The following LONRF2 variants were observed in gnomAD, a reference collection of about 807,000 sequenced individuals.
LONRF2 encodes LON peptidase N-terminal domain and ring finger 2, also known as LON peptidase N-terminal domain and RING finger protein 2.
A neutral mutation model predicts 66.6 loss-of-function variants in LONRF2; 35 were observed. The ratio of observed to expected loss-of-function variants is 0.53; its 90% CI spans 0.40 to 0.70. The LOEUF (loss-of-function observed/expected upper bound fraction) is 0.70, where lower values mean the gene tolerates loss of function less well. Among genes scored for constraint, LONRF2 ranks in the 30% least tolerant of loss-of-function variants. The pLI, the probability that LONRF2 is intolerant of heterozygous loss-of-function variation, is 0.00. For missense variants in LONRF2, 902 were observed against 1,002.1 expected, an observed-to-expected ratio of 0.90 and a Z score of 1.35; for synonymous variants, 417 against 418.1, an observed-to-expected ratio of 1.00 and a Z score of 0.03.
chr2:100,298,370 T>A (rs1675113745), intron 7 of LONRF2, among the ~76,000 whole-genome samples: 2 of 152,218 alleles, frequency 1.3e-5, no homozygotes, highest in Non-Finnish European at 2.9e-5. Flanking sequence ...AGCTTCCCCA[T>A]GGGACCTGAA....
intron 1 of LONRF2, among the ~76,000 whole-genome samples, chr2:100,313,981 T>C (rs1404706345): frequency 6.6e-6 from 1 of 152,196 alleles, no homozygotes; most frequent in Non-Finnish European, 1.5e-5. Context: ...CTGTATGACT[T>C]GATTTATTTA....
rs564232405 is a variant in LONRF2 at position 100,309,171 on chromosome 2, T to C, written c.734A>G (p.Lys245Arg). The C allele has an allele frequency of 1.2e-6, 2 of 1,609,596 alleles. No homozygotes were observed. The highest frequency in any genetic ancestry group is 4.5e-5 in the East Asian group (2 of 44,672). Reference protein sequence around the residue: ...LLRAELYLTMKNYEQALQDAS... With the variant: ...LLRAELYLTMRNYEQALQDAS... ...ATCTTGGAGAGCTTGCTCATAGTTC[T>C]TCATGGTCAAATATAACTCCGCCCG... Residue 245 changes from lysine (K) to arginine (R), a missense_variant, in exon 2 of 12, where the codon AAG becomes AGG. By Grantham distance (26) the Lys-to-Arg change is conservative. Coordinates refer to ENST00000393437, the MANE Select transcript of LONRF2 (RefSeq NM_198461.4).
rs139690852 is a variant in LONRF2, at chr2:100,300,499, C to A, written c.1065+145G>T. The A allele has an allele frequency of 8.8e-6, 6 of 680,116 alleles. 1 individual carries two copies. The East Asian group carries it at 1.7e-4, about 20-fold the overall frequency. 42.1% of individuals were successfully genotyped at this position (680,116 alleles called of 1,614,324 possible). The stretch of plus-strand genomic sequence containing the variant: ...GACTTCATGTAAAAGTTCCAACTCC[C>A]AGGTTGAGGAGCTACAACTGGTCTT... On this transcript the variant is annotated intron_variant, in intron 4 of 11. Coordinates refer to ENST00000393437, the MANE Select transcript of LONRF2 (RefSeq NM_198461.4).
intron 8 of LONRF2, 70 bp downstream of exon 8, chr2:100,295,362 T>C: frequency 2.7e-6 from 4 of 1,478,254 alleles, no homozygotes; most frequent in Non-Finnish European, 3.6e-6. Flanking sequence ...AAAGAAAATC[T>C]GAGGTGAAGC....
chr2:100,291,541 C>G (rs895071643), intron 9 of LONRF2, among the ~76,000 whole-genome samples: 1 of 152,050 alleles, frequency 6.6e-6, no homozygotes, highest in Admixed American at 6.6e-5. Flanking sequence ...TCCTTGCCTC[C>G]CCCTCACTCC....
chr2:100,302,199 GA>G (rs1356320300), intron 3 of LONRF2, among the ~76,000 whole-genome samples: 2 of 152,192 alleles, frequency 1.3e-5, no homozygotes, highest in African/African-American at 4.8e-5. Flanking sequence ...CACTCTGTGA[GA>G]AAAGAATGTT....
At chr2:100,292,719 A>T (rs1573113047) in intron 9 of LONRF2, among the ~76,000 whole-genome samples, 1 of 152,280 alleles carries the variant, frequency 6.6e-6, no homozygotes, top group African/African-American at 2.4e-5. Context: ...ATGTATTCTC[A>T]GCACCTTGTA....
chr2:100,310,039 T>C (rs1351573103), intron 1 of LONRF2, among the ~76,000 whole-genome samples: 4 of 152,178 alleles, frequency 2.6e-5, no homozygotes, highest in Non-Finnish European at 5.9e-5. Flanking sequence ...CTACAGTATA[T>C]TCTCTTAAGG....
chr2:100,277,709 T>G lies in LONRF2; in HGVS notation c.*6589A>C, dbSNP rs1024807468. On this transcript the variant is annotated 3_prime_UTR_variant, in exon 12 of 12. Transcript: ENST00000393437. The stretch of plus-strand genomic sequence containing the variant: ...GAAACGGAACCCAAAAAACAACGCA[T>G]GTGGCCAAAGTTAGGCAGTCGTCTT... The G allele has an allele frequency of 6.6e-6, 1 of 152,308 alleles. No homozygotes were observed. Among genetic ancestry groups the G allele is most frequent in the Admixed American group, 6.5e-5 (1 of 15,306 alleles). The allele number at this position is 152,308 out of a possible 1,614,324, so 9.4% of individuals were successfully genotyped here.
rs1674769077 is a variant in LONRF2, at chr2:100,282,917, A to G, written c.*1381T>C. ...GTCTTTCTAATAAAATGCTTGATGG[A>G]TTGATATACCATCAACATTGTATAT... On this transcript the variant is annotated 3_prime_UTR_variant, in exon 12 of 12. Transcript: ENST00000393437. 6.6e-6 allele frequency: 1 copy of G among 152,138 alleles called. No homozygotes were observed. The highest frequency in any genetic ancestry group is 2.4e-5 in the African/African-American group (1 of 41,412). The allele number at this position is 152,138 out of a possible 1,614,324, so 9.4% of individuals were successfully genotyped here.
At chr2:100,304,492 TCAAAGGTA>T (rs1675249157) in intron 2 of LONRF2, among the ~76,000 whole-genome samples, 1 of 152,150 alleles carries the variant, frequency 6.6e-6, no homozygotes, top group African/African-American at 2.4e-5. Flanking sequence ...TGCTCTTAAG[TCAAAGGTA>T]CCATATTGTC....
chr2:100,311,251 A>G (rs1675401561), intron 1 of LONRF2, among the ~76,000 whole-genome samples: 2 of 152,162 alleles, frequency 1.3e-5, no homozygotes, highest in Admixed American at 6.5e-5. Flanking sequence ...TTTGAAATAT[A>G]CAATTCTCCT....
At chr2:100,290,180 T>C in intron 10 of LONRF2, 78 bp downstream of exon 10, 1 of 1,373,794 alleles carries the variant, frequency 7.3e-7, no homozygotes, top group East Asian at 2.4e-5. Context: ...CAGTACAAGT[T>C]TGACAAAGCT....
rs776165476 is a variant in LONRF2 at position 100,286,944 on chromosome 2, C to T, written c.2040G>A (p.Gly680=). ...GCTCAGGTTCTCTGTCTGGCATTAC[C>T]CCAAAATGACTTAAAATTTGTTCTT... ...RMKEQILSHF[G]VMPDREPEPQ... The change falls in exon 11 of 12, where the codon GGG becomes GGA. Residue 680 remains glycine, a synonymous_variant. Transcript: ENST00000393437. The T allele has an allele frequency of 1.2e-6, 2 of 1,613,844 alleles. No homozygotes were observed. Among genetic ancestry groups the T allele is most frequent in the Admixed American group, 1.7e-5 (1 of 59,982 alleles).
At chr2:100,290,888 C>G (rs571235760) in intron 9 of LONRF2, among the ~76,000 whole-genome samples, 1 of 152,170 alleles carries the variant, frequency 6.6e-6, no homozygotes, top group African/African-American at 2.4e-5. Context: ...TGCCAAGCAA[C>G]ACACGGAGCA....
In LONRF2 at chr2:100,322,269, T is replaced by C; in HGVS notation, c.-176A>G. On this transcript the variant is annotated 5_prime_UTR_variant, in exon 1 of 12. Transcript: ENST00000393437. The stretch of plus-strand genomic sequence containing the variant: ...CGCGGGCGGGGGCGGGCGCCTGGCT[T>C]GGGCAGCGTCCTCAGCGCGGTGTGG... 1 of 531,874 alleles carries C rather than the reference T, an allele frequency of 1.9e-6. No individual in the cohort carries two copies. Among genetic ancestry groups the C allele is most frequent in the East Asian group, 4.4e-5 (1 of 22,962 alleles). 32.9% of individuals were successfully genotyped at this position (531,874 alleles called of 1,614,324 possible). A position where few individuals can be genotyped will look rare whatever the true frequency, so the allele number is the denominator to read the frequency against.
At chr2:100,288,500 C>T (rs1485702444) in intron 10 of LONRF2, among the ~76,000 whole-genome samples, 1 of 152,202 alleles carries the variant, frequency 6.6e-6, no homozygotes, top group African/African-American at 2.4e-5. Flanking sequence ...GTATAATTTA[C>T]AGACCAAAAA....
chr2:100,273,090 T>C lies in LONRF2; in HGVS notation c.*11208A>G, dbSNP rs565105476. Among the ~76,000 whole-genome samples, 18 of 152,360 alleles carry C rather than the reference T, an allele frequency of 1.2e-4. No homozygotes were observed. Among genetic ancestry groups the C allele is most frequent in the Non-Finnish European group, 2.5e-4 (17 of 68,036 alleles). On this transcript the variant is annotated 3_prime_UTR_variant, in exon 12 of 12. Coordinates refer to ENST00000393437, the MANE Select transcript of LONRF2 (RefSeq NM_198461.4). Reference sequence around the variant, plus strand: ...GTCCTTATATAAGGAAAGGGATATCTGGACACAGACACACAGAGGGAAGAA... The same window carrying C: ...GTCCTTATATAAGGAAAGGGATATCCGGACACAGACACACAGAGGGAAGAA...
chr2:100,297,619 C>G (rs1242984201), intron 7 of LONRF2, among the ~76,000 whole-genome samples: 1 of 152,164 alleles, frequency 6.6e-6, no homozygotes, highest in Non-Finnish European at 1.5e-5. Context: ...AAACAAGAGG[C>G]AGTGGGTCCG....
Sources: allele counts gnomAD v4.1 joint callset (sites outside exome capture counted in the v4.1 genomes callset), GRCh38; gene constraint gnomAD v4.1.1; transcripts MANE v1.5; gene names NCBI Gene and HGNC (gene_info 2026-07-23, HGNC 2026-07-21).